RELN: variants seen among roughly 807,000 people sequenced by gnomAD.
RELN encodes reelin.
A neutral mutation model predicts 427.6 loss-of-function variants in RELN; 108 were observed. The ratio of observed to expected loss-of-function variants is 0.25; its 90% CI spans 0.22 to 0.30. The LOEUF (loss-of-function observed/expected upper bound fraction) is 0.30, where lower values mean the gene tolerates loss of function less well. Ranked by LOEUF, RELN falls within the 10% of genes least tolerant of loss-of-function variation. The probability of loss-of-function intolerance (pLI) is 1.00; values close to 1 mark genes in which losing one functional copy is unlikely to be tolerated. For synonymous variants in RELN, 1,524 were observed against 1,513.4 expected, an observed-to-expected ratio of 1.01 and a Z score of -0.16; for missense variants, 3,715 against 4,302.8, an observed-to-expected ratio of 0.86 and a Z score of 3.82.
chr7:103,614,697 C>T (rs2017179), intron 20 of RELN, among the ~76,000 whole-genome samples: 47,971 of 152,086 alleles, frequency 0.32, 8,702 homozygotes, highest in African/African-American at 0.5. Flanking sequence ...TTACTTTCAT[C>T]TATGTCATGG....
chr7:103,737,556 TTAAA>T (rs1196382142), intron 6 of RELN, among the ~76,000 whole-genome samples: 1 of 152,224 alleles, frequency 6.6e-6, no homozygotes, highest in Non-Finnish European at 1.5e-5. Flanking sequence ...TAAGCTATTA[TTAAA>T]TAAAGTTCCA....
At chr7:103,491,852 TCTCTCACACA>T (rs1233076594) in intron 58 of RELN, 91 bp downstream of exon 58, 207 of 439,578 alleles carry the variant, frequency 4.7e-4, no homozygotes, top group Non-Finnish European at 6.3e-4. Flanking sequence ...TCTCTCTCTC[TCTCTCACACA>T]CACACACACA....
At chr7:103,689,708 A>G (rs1833834736) in intron 10 of RELN, among the ~76,000 whole-genome samples, 1 of 152,070 alleles carries the variant, frequency 6.6e-6, no homozygotes, top group Non-Finnish European at 1.5e-5. Context: ...AAAAATAAAA[A>G]CAAAAAGCCC....
chr7:103,827,816 G>GA (rs898889221), intron 3 of RELN, among the ~76,000 whole-genome samples: 3 of 151,258 alleles, frequency 2.0e-5, no homozygotes, highest in Non-Finnish European at 4.4e-5. Context: ...TGTCAGAAAA[G>GA]AAAAAAAAGA....
intron 1 of RELN, among the ~76,000 whole-genome samples, chr7:103,986,629 T>TAAAAA (rs34403864): frequency 2.0e-5 from 2 of 102,290 alleles, no homozygotes; most frequent in Non-Finnish European, 3.9e-5. Context: ...TTCTTTTAGG[T>TAAAAA]AAAAAAAAAA....
In RELN at chr7:103,640,888, T is replaced by G. The variant is rs900088252; in HGVS notation, c.2003-279A>C. 1.3e-5 allele frequency among the ~76,000 whole-genome samples: 2 copies of G among 152,198 alleles called. No homozygotes were observed. Among genetic ancestry groups the G allele is most frequent in the African/African-American group, 2.4e-5 (1 of 41,460 alleles). On this transcript the variant is annotated intron_variant, in intron 16 of 64. Transcript: ENST00000428762. This position sits in a 1 kb window ranked among gnomAD's most constrained non-coding sequence, Gnocchi z 4.1. Reference sequence around the variant, plus strand: ...TCTTAATAGAGTCTATTAGACAATATTAGCGCTTCTGCCTTGAACATTCTA... The same window carrying G: ...TCTTAATAGAGTCTATTAGACAATAGTAGCGCTTCTGCCTTGAACATTCTA...
intron 2 of RELN, among the ~76,000 whole-genome samples, chr7:103,899,213 A>G (rs1009778181): frequency 5.9e-5 from 9 of 152,164 alleles, no homozygotes; most frequent in African/African-American, 2.2e-4. Flanking sequence ...AAATTCCTGG[A>G]CACAAACACC....
At chr7:103,699,657 T>C (rs1251472137) in intron 9 of RELN, among the ~76,000 whole-genome samples, 1 of 152,224 alleles carries the variant, frequency 6.6e-6, no homozygotes, top group East Asian at 1.9e-4. Flanking sequence ...TATAACATAC[T>C]AGAAAGAGAA....
At chr7:103,840,546 C>A (rs1293242499) in intron 2 of RELN, among the ~76,000 whole-genome samples, 1 of 152,018 alleles carries the variant, frequency 6.6e-6, no homozygotes. Context: ...TAAATGAATA[C>A]AAGAAAAATG....
At chr7:103,855,643 G>A (rs1310749289) in intron 2 of RELN, among the ~76,000 whole-genome samples, 1 of 152,166 alleles carries the variant, frequency 6.6e-6, no homozygotes, top group Non-Finnish European at 1.5e-5. Context: ...CAACATAAAT[G>A]TATTGTCTCA....
chr7:103,911,160 A>G (rs1321231087), intron 2 of RELN, among the ~76,000 whole-genome samples: 3 of 142,268 alleles, frequency 2.1e-5, no homozygotes, highest in Non-Finnish European at 4.5e-5. Flanking sequence ...TTTACAAGAA[A>G]AAAACAAACA....
intron 1 of RELN, among the ~76,000 whole-genome samples, chr7:103,966,272 G>A (rs1264829063): frequency 6.6e-6 from 1 of 151,968 alleles, no homozygotes. Context: ...AGCAGCTCAG[G>A]GTACAAGGTG....
At chr7:103,645,444 C>T (rs994625185) in intron 16 of RELN, among the ~76,000 whole-genome samples, 3 of 151,534 alleles carry the variant, frequency 2.0e-5, no homozygotes, top group African/African-American at 7.3e-5. Flanking sequence ...AAACATATTC[C>T]AAACAAACAG....
chr7:103,873,068 A>G (rs916492535), intron 2 of RELN, among the ~76,000 whole-genome samples: 2 of 152,004 alleles, frequency 1.3e-5, no homozygotes, highest in African/African-American at 4.8e-5. Context: ...AAGCCGCCCA[A>G]CTACATGGAA....
intron 6 of RELN, among the ~76,000 whole-genome samples, chr7:103,728,571 T>C (rs517761): frequency 0.61 from 92,750 of 151,974 alleles, 29,747 homozygotes; most frequent in African/African-American, 0.82. Flanking sequence ...ATAGCAGGCA[T>C]TTAATGAAAG....
chr7:103,505,988 T>A (rs183898504), intron 51 of RELN, among the ~76,000 whole-genome samples: 1 of 151,934 alleles, frequency 6.6e-6, no homozygotes, highest in Non-Finnish European at 1.5e-5. Context: ...GGAAAGAATA[T>A]CAGAGAATGA....
At chr7:103,555,632 C>T (rs2117164266) in intron 38 of RELN, among the ~76,000 whole-genome samples, 2 of 152,156 alleles carry the variant, frequency 1.3e-5, no homozygotes, top group South Asian at 4.2e-4. Flanking sequence ...CCACCACGCC[C>T]AGCTAATTTT....
At chr7:103,798,535 T>A (rs141253902) in intron 3 of RELN, among the ~76,000 whole-genome samples, 1 of 152,304 alleles carries the variant, frequency 6.6e-6, no homozygotes, top group Non-Finnish European at 1.5e-5. Context: ...CGGTTTGGCC[T>A]GTTACCCAGT....
chr7:103,804,392 C>A (rs749932033), intron 3 of RELN, among the ~76,000 whole-genome samples: 3 of 151,974 alleles, frequency 2.0e-5, no homozygotes, highest in Non-Finnish European at 4.4e-5. Flanking sequence ...TGAAGAGAAA[C>A]CCATCATTTA....
Sources: gnomAD v4.1 joint callset for allele counts (sites outside exome capture counted in the v4.1 genomes callset) on GRCh38, gnomAD v4.1.1 for gene constraint, Gnocchi (gnomAD v3.1) non-coding constraint, MANE v1.5 for transcripts, NCBI Gene and HGNC (gene_info 2026-07-23, HGNC 2026-07-21) for gene names.